Variants in DPP10 observed in about 807,000 individuals in gnomAD.
DPP10 encodes dipeptidyl peptidase like 10.
DPP10 carries 33 observed loss-of-function variants against 120.9 expected under a neutral mutation model. That is an observed-to-expected ratio of 0.27 (90% CI 0.21 to 0.37). DPP10 has a LOEUF of 0.37. DPP10 is among the 10% of genes least tolerant of loss of function. The probability of loss-of-function intolerance (pLI) is 1.00; values close to 1 mark genes in which losing one functional copy is unlikely to be tolerated. For synonymous variants in DPP10, 337 were observed against 326.1 expected (o/e 1.03, Z -0.36); for missense variants, 816 against 942.8 (o/e 0.87, Z 1.76).
intron 1 of DPP10, among the ~76,000 whole-genome samples, chr2:114,772,293 G>A (rs1255086301): frequency 6.6e-6 from 1 of 151,872 alleles, no homozygotes; most frequent in East Asian, 1.9e-4. Context: ...GAGTAGCTGG[G>A]ACTACAGGTA....
intron 1 of DPP10, among the ~76,000 whole-genome samples, chr2:114,535,682 C>T (rs1203718111): frequency 2.0e-5 from 3 of 152,306 alleles, no homozygotes; most frequent in South Asian, 4.1e-4. Context: ...TGCTGCAAAT[C>T]TCTCAAACCT....
intron 1 of DPP10, among the ~76,000 whole-genome samples, chr2:115,025,242 G>T (rs1703377341): frequency 6.6e-6 from 1 of 151,906 alleles, no homozygotes; most frequent in Non-Finnish European, 1.5e-5. Flanking sequence ...ATATATGTAA[G>T]AACAGGCAAT....
chr2:115,114,957 A>C (rs1483029967), intron 1 of DPP10, among the ~76,000 whole-genome samples: 6 of 151,916 alleles, frequency 3.9e-5, no homozygotes. Context: ...AAAGCGTTAC[A>C]CTGCCTGCAA....
chr2:115,718,863 G>C (rs1282178191), intron 7 of DPP10, among the ~76,000 whole-genome samples: 6 of 152,086 alleles, frequency 3.9e-5, no homozygotes, highest in Admixed American at 3.9e-4. Context: ...GGAGAAAGTT[G>C]GGTAGAGAAG....
At position 115,037,232 on chromosome 2, in the gene DPP10, C is replaced by A. The variant is rs188378802; in HGVS notation, c.61-272007C>A. ...TACTTCCTAAATACTGCTATTTACCCATAATACGTAATAAAAAACTAAAAG... is the reference window on the plus strand; with the variant it reads ...TACTTCCTAAATACTGCTATTTACCAATAATACGTAATAAAAAACTAAAAG... On this transcript the variant is annotated intron_variant, in intron 1 of 25. Transcript: ENST00000410059. Among the ~76,000 whole-genome samples the A allele has an allele frequency of 4.6e-3, 706 of 152,144 alleles. 2 individuals carry two copies. Among genetic ancestry groups the A allele is most frequent in the Non-Finnish European group, 7.6e-3 (518 of 67,990 alleles).
chr2:115,249,638 G>T (rs1460457553), intron 1 of DPP10, among the ~76,000 whole-genome samples: 1 of 152,102 alleles, frequency 6.6e-6, no homozygotes, highest in East Asian at 1.9e-4. Context: ...AGAAGCTACT[G>T]CAGATAGCAA....
At chr2:115,038,187 C>G (rs1704359429) in intron 1 of DPP10, among the ~76,000 whole-genome samples, 1 of 152,094 alleles carries the variant, frequency 6.6e-6, no homozygotes, top group African/African-American at 2.4e-5. Context: ...CACCACAAGT[C>G]AGAGTTAGCA....
At chr2:115,836,643 T>C (rs779946423) in intron 23 of DPP10, 31 bp from the exon 24 acceptor site, 6 of 1,610,340 alleles carry the variant, frequency 3.7e-6, no homozygotes, top group Non-Finnish European at 4.2e-6. Context: ...TTTAGATCTA[T>C]AGATACAGAT....
intron 1 of DPP10, among the ~76,000 whole-genome samples, chr2:114,856,058 T>TA (rs1309771196): frequency 6.6e-6 from 1 of 151,592 alleles, no homozygotes; most frequent in Non-Finnish European, 1.5e-5. Context: ...AAAAAGGCTA[T>TA]AACAAAAAAA....
chr2:115,216,897 G>A (rs893448071), intron 1 of DPP10, among the ~76,000 whole-genome samples: 8 of 151,186 alleles, frequency 5.3e-5, no homozygotes, highest in African/African-American at 9.7e-5. Context: ...ATGTGTATAC[G>A]TATACACATA....
intron 3 of DPP10, among the ~76,000 whole-genome samples, chr2:115,490,142 C>A (rs1558746201): frequency 6.6e-6 from 1 of 152,030 alleles, no homozygotes; most frequent in African/African-American, 2.4e-5. Context: ...GTTGTATTAG[C>A]CTGTTCTCAT....
intron 1 of DPP10, among the ~76,000 whole-genome samples, chr2:114,574,418 G>T (rs894207101): frequency 5.3e-5 from 8 of 152,212 alleles, no homozygotes; most frequent in African/African-American, 1.9e-4. Flanking sequence ...GAAAGGAAAA[G>T]AGAAGCTAAT....
chr2:115,603,010 A>G (rs534994364), intron 5 of DPP10, among the ~76,000 whole-genome samples: 45 of 152,198 alleles, frequency 3.0e-4, no homozygotes, highest in African/African-American at 8.4e-4. Context: ...TACCTTCGGA[A>G]AGTTGGTGCA....
chr2:114,763,485 C>T (rs2106111967), intron 1 of DPP10, among the ~76,000 whole-genome samples: 1 of 152,268 alleles, frequency 6.6e-6, no homozygotes, highest in African/African-American at 2.4e-5. Context: ...ACTGTGTTAT[C>T]ACATCCTGAC....
intron 1 of DPP10, among the ~76,000 whole-genome samples, chr2:115,176,211 G>A (rs1186852991): frequency 6.7e-6 from 1 of 150,126 alleles, no homozygotes; most frequent in Non-Finnish European, 1.5e-5. Flanking sequence ...ATTATTGACA[G>A]TAGCTAAAAT....
chr2:115,483,475 C>G (rs62154919), intron 3 of DPP10, among the ~76,000 whole-genome samples: 1,576 of 84,962 alleles, frequency 0.019, 25 homozygotes, highest in African/African-American at 0.057. Flanking sequence ...ATCTATCTAT[C>G]TATCTGTATG....
chr2:115,190,364 C>T lies in DPP10; in HGVS notation c.61-118875C>T, dbSNP rs993680544. Among the ~76,000 whole-genome samples the T allele has an allele frequency of 4.6e-5, 7 of 151,656 alleles. No individual in the cohort carries two copies. The East Asian group carries it at 5.8e-4, about 13-fold the overall frequency. On this transcript the variant is annotated intron_variant, in intron 1 of 25. Coordinates refer to ENST00000410059, the MANE Select transcript of DPP10 (RefSeq NM_020868.6). ...TACAATTTTTTTTTAATCATGTTGA[C>T]GGAATCCTAGGGTGAAAGGCATGAC...
At chr2:115,464,828 C>T (rs1440648306) in intron 3 of DPP10, among the ~76,000 whole-genome samples, 1 of 152,056 alleles carries the variant, frequency 6.6e-6, no homozygotes, top group African/African-American at 2.4e-5. Context: ...GAGAGAGAAC[C>T]CTCCAACGTG....
chr2:115,324,811 G>C (rs2062259349), intron 2 of DPP10, among the ~76,000 whole-genome samples: 1 of 152,178 alleles, frequency 6.6e-6, no homozygotes, highest in South Asian at 2.1e-4. Context: ...ATTGTTTTTA[G>C]TTTTGGATTT....
Sources: gnomAD v4.1 joint callset for allele counts (sites outside exome capture counted in the v4.1 genomes callset) on GRCh38, gnomAD v4.1.1 for gene constraint, MANE v1.5 for transcripts, NCBI Gene and HGNC (gene_info 2026-07-23, HGNC 2026-07-21) for gene names.